Variants in CKAP5 observed in about 807,000 individuals in gnomAD.
CKAP5 encodes the protein cytoskeleton associated protein 5.
Under a neutral mutation model 232.8 loss-of-function variants are expected in CKAP5, and 27 were observed. That is an observed-to-expected ratio of 0.12 (90% CI 0.09 to 0.16). CKAP5 has a LOEUF of 0.16. Ranked by LOEUF, CKAP5 falls within the 10% of genes least tolerant of loss-of-function variation. The probability of loss-of-function intolerance (pLI) is 1.00; values close to 1 mark genes in which losing one functional copy is unlikely to be tolerated. For synonymous variants in CKAP5, 785 were observed against 841.1 expected (o/e 0.93, Z 1.16); for missense variants, 1,838 against 2,424.7 (o/e 0.76, Z 5.08).
intron 26 of CKAP5, 46 bp downstream of exon 26, chr11:46,769,917 C>T (rs751782984): frequency 6.2e-7 from 1 of 1,604,482 alleles, no homozygotes; most frequent in East Asian, 2.2e-5. Flanking sequence ...TTTAGAGTTC[C>T]TCAGGGCTAT....
intron 1 of CKAP5, among the ~76,000 whole-genome samples, chr11:46,845,583 C>G (rs1388071925): frequency 6.6e-6 from 1 of 152,214 alleles, no homozygotes; most frequent in Non-Finnish European, 1.5e-5. Context: ...CAAGGCCCAA[C>G]CCACACTGCT....
intron 42 of CKAP5, among the ~76,000 whole-genome samples, chr11:46,746,673 C>A (rs1329683109): frequency 2.6e-5 from 4 of 152,202 alleles, no homozygotes. Flanking sequence ...ATGGAGCTTG[C>A]AGGACTGGAA....
intron 24 of CKAP5, among the ~76,000 whole-genome samples, chr11:46,775,606 T>C (rs1316936455): frequency 6.6e-6 from 1 of 152,060 alleles, no homozygotes; most frequent in Non-Finnish European, 1.5e-5. Context: ...ATAAAGAAAA[T>C]GTGGCACATA....
chr11:46,811,818 A>G (rs1329870379), intron 4 of CKAP5, among the ~76,000 whole-genome samples: 1 of 152,200 alleles, frequency 6.6e-6, no homozygotes, highest in African/African-American at 2.4e-5. Flanking sequence ...AAAGCTTACA[A>G]ATATAAACTA....
intron 24 of CKAP5, among the ~76,000 whole-genome samples, chr11:46,773,042 C>G (rs1323220857): frequency 6.6e-6 from 1 of 150,964 alleles, no homozygotes; most frequent in Non-Finnish European, 1.5e-5. Context: ...GCGCCTGGCC[C>G]TCACCATTAA....
chr11:46,816,154 T>C, intron 4 of CKAP5, 44 bp downstream of exon 4: 1 of 1,515,236 alleles, frequency 6.6e-7, no homozygotes, highest in Middle Eastern at 1.7e-4. Context: ...CCAAAAAGGT[T>C]GGGGACTGCT....
intron 1 of CKAP5, among the ~76,000 whole-genome samples, chr11:46,823,329 A>T (rs1364515359): frequency 6.6e-6 from 1 of 152,202 alleles, no homozygotes; most frequent in East Asian, 1.9e-4. Context: ...AAAAAAATCT[A>T]AGTATTAAAA....
At chr11:46,771,055 G>T in intron 24 of CKAP5, 73 bp from the exon 25 acceptor site, 1 of 1,292,938 alleles carries the variant, frequency 7.7e-7, no homozygotes, top group Non-Finnish European at 1.1e-6. Context: ...CAGGCTTACT[G>T]ATTTCATTAG....
chr11:46,755,359 G>A (rs929789077), intron 35 of CKAP5, among the ~76,000 whole-genome samples: 2 of 151,870 alleles, frequency 1.3e-5, no homozygotes, highest in Non-Finnish European at 2.9e-5. Flanking sequence ...GATTACAGGC[G>A]CCTGCCACCA....
In CKAP5 at chr11:46,752,674, T is replaced by A; in HGVS notation, c.5094A>T (p.Ala1698=). 2 of 1,613,346 alleles carry A rather than the reference T, an allele frequency of 1.2e-6. No individual in the cohort carries two copies. The highest frequency in any genetic ancestry group is 1.7e-6 in the Non-Finnish European group (2 of 1,179,538). ...LLVLLQDSLL[A]TASSPKFSEL... is the part of the protein sequence containing the mutation. ...CTGAGAATTTGGGAGAACTGGCTGT[T>A]GCTAGCAGGCTGTCTTGGAGCAAAA... is the stretch of plus-strand genomic sequence containing the variant. Residue 1698 remains alanine (A), a synonymous_variant, in exon 38 of 44, where the codon GCA becomes GCT. Coordinates refer to ENST00000529230, the MANE Select transcript of CKAP5 (RefSeq NM_001008938.4).
chr11:46,822,745 A>ACCC (rs1939567436), intron 1 of CKAP5, among the ~76,000 whole-genome samples: 1 of 39,386 alleles, frequency 2.5e-5, no homozygotes, highest in African/African-American at 4.5e-5. Flanking sequence ...CCGTCCCAAA[A>ACCC]AAAAAAAAAA....
rs756805624 is a variant in CKAP5 at position 46,808,138 on chromosome 11, T to C, written c.871A>G (p.Lys291Glu). 6.2e-7 allele frequency: 1 copy of C among 1,611,146 alleles called. No individual in the cohort carries two copies. Among genetic ancestry groups the C allele is most frequent in the South Asian group, 1.1e-5 (1 of 90,814 alleles). ...GCCTCTTTTCTCTCTTGCCATTTTT[T>C]TGCCTCCTGCAAGATACAATATGAG... ...PKDFYDKIEAKKWQERKEALE... is the reference protein window; with the variant it reads ...PKDFYDKIEAEKWQERKEALE... Residue 291 changes from lysine (K) to glutamate (E), a missense_variant, in exon 8 of 44, where the codon AAA becomes GAA. Physicochemically the swap from Lys to Glu is moderately conservative, Grantham distance 56. Around this residue, in one of 6 missense-constraint regions of CKAP5, gnomAD observed 97 missense variants for 167.7 expected, o/e 0.58. Transcript: ENST00000529230.
chr11:46,798,202 C>A, intron 9 of CKAP5, 30 bp from the exon 10 acceptor site: 1 of 1,438,892 alleles, frequency 6.9e-7, no homozygotes, highest in South Asian at 1.2e-5. Context: ...GCACATTATT[C>A]AGCAACAAAG....
rs1939025270 is a variant in CKAP5 at position 46,801,271 on chromosome 11, C to T, written c.1012G>A (p.Ala338Thr). The T allele has an allele frequency of 6.2e-7, 1 of 1,613,732 alleles. No homozygotes were observed. The highest frequency in any genetic ancestry group is 8.5e-7 in the Non-Finnish European group (1 of 1,179,680). ...VGKDTNVMLV[A>T]LAAKCLTGLA... ...CCAGTAAGACATTTTGCTGCCAAAG[C>T]CACCAACATGACATTGGTGTCCTTT... Residue 338 changes from alanine to threonine, a missense_variant, in exon 9 of 44, where the codon GCT becomes ACT. By Grantham distance (58) the Ala-to-Thr change is moderately conservative. Around this residue, in one of 6 missense-constraint regions of CKAP5, gnomAD observed 97 missense variants for 167.7 expected, o/e 0.58. Transcript: ENST00000529230.
chr11:46,798,206 A>G, intron 9 of CKAP5, 34 bp from the exon 10 acceptor site: 1 of 1,361,818 alleles, frequency 7.3e-7, no homozygotes, highest in Non-Finnish European at 1.1e-6. Context: ...ATTATTCAGC[A>G]ACAAAGAGGA....
At chr11:46,754,865 A>C in intron 36 of CKAP5, 23 bp downstream of exon 36, 1 of 1,601,210 alleles carries the variant, frequency 6.2e-7, no homozygotes, top group Non-Finnish European at 8.5e-7. Context: ...TGGGAAGCTG[A>C]AATTCTGCAG....
chr11:46,780,000 A>G (rs929447505), intron 20 of CKAP5, among the ~76,000 whole-genome samples, 194 bp downstream of exon 20: 1 of 152,014 alleles, frequency 6.6e-6, no homozygotes, highest in African/African-American at 2.4e-5. Context: ...AGGTCACAAT[A>G]CTAATGCTGA....
rs1315137471 is a variant in CKAP5 at position 46,763,612 on chromosome 11, T to C, written c.3556A>G (p.Thr1186Ala). ...TCAATGTATTCATCCCGTGGGGTAGTAAAATTCCACTTTAGCACCTGGAAA... is the reference window on the plus strand; with the variant it reads ...TCAATGTATTCATCCCGTGGGGTAGCAAAATTCCACTTTAGCACCTGGAAA... ...KGLKVLKWNF[T>A]TPRDEYIEQL... Residue 1186 changes from threonine to alanine, a missense_variant, in exon 29 of 44, where the codon ACT (threonine) becomes GCT (alanine). Thr to Ala is a moderately conservative substitution (Grantham distance 58). Transcript: ENST00000529230. 6.4e-7 allele frequency: 1 copy of C among 1,559,350 alleles called. No homozygotes were observed. The highest frequency in any genetic ancestry group is 1.2e-5 in the South Asian group (1 of 83,572).
intron 38 of CKAP5, 113 bp downstream of exon 38, chr11:46,752,522 G>T: frequency 2.8e-6 from 2 of 711,474 alleles, no homozygotes; most frequent in Non-Finnish European, 4.6e-6. Flanking sequence ...TTTCAGGTGT[G>T]ACTTGGTTGA....
Sources: gnomAD v4.1 joint callset for allele counts (sites outside exome capture counted in the v4.1 genomes callset) on GRCh38, gnomAD v4.1.1 for gene constraint, gnomAD v4.1.1 regional missense constraint, MANE v1.5 for transcripts, NCBI Gene and HGNC (gene_info 2026-07-23, HGNC 2026-07-21) for gene names.